PACRG: variants seen among roughly 807,000 people sequenced by gnomAD.
PACRG encodes parkin coregulated gene protein.
A neutral mutation model predicts 29.7 loss-of-function variants in PACRG; 29 were observed. The ratio of observed to expected loss-of-function variants is 0.98; its 90% CI spans 0.73 to 1.33. The LOEUF (loss-of-function observed/expected upper bound fraction) is 1.33. Ranked by LOEUF, PACRG falls within the 40% of genes most tolerant of loss-of-function variation. The pLI is 0.00. For synonymous variants in PACRG, 116 were observed against 118.7 expected, an observed-to-expected ratio of 0.98 and a Z score of 0.15; for missense variants, 279 against 316.2, an observed-to-expected ratio of 0.88 and a Z score of 0.89.
intron 4 of PACRG, among the ~76,000 whole-genome samples, chr6:163,159,052 G>A (rs1381591148): frequency 6.6e-6 from 1 of 152,128 alleles, no homozygotes; most frequent in South Asian, 2.1e-4. Context: ...TGGAGTGAGA[G>A]AGCTGGTTCC....
chr6:162,798,161 C>G (rs548769563), intron 1 of PACRG, among the ~76,000 whole-genome samples: 1 of 152,134 alleles, frequency 6.6e-6, no homozygotes, highest in Non-Finnish European at 1.5e-5. Flanking sequence ...GCTTCTGGGT[C>G]TAGGCTTCTT....
intron 3 of PACRG, among the ~76,000 whole-genome samples, chr6:163,076,671 G>A (rs781505964): frequency 1.3e-5 from 2 of 152,136 alleles, no homozygotes; most frequent in African/African-American, 4.8e-5. Context: ...CGATTGTGCC[G>A]TAGAACTTGC....
At chr6:163,099,189 A>G (rs1361403210) in intron 4 of PACRG, among the ~76,000 whole-genome samples, 4 of 152,140 alleles carry the variant, frequency 2.6e-5, no homozygotes, top group South Asian at 2.1e-4. Context: ...AGGTACCCCA[A>G]CAGGGATCCA....
At chr6:162,885,802 T>C (rs1336835854) in intron 2 of PACRG, among the ~76,000 whole-genome samples, 4 of 152,108 alleles carry the variant, frequency 2.6e-5, no homozygotes, top group Non-Finnish European at 5.9e-5. Context: ...ATATATAAAA[T>C]AATTATTACT....
At chr6:163,090,693 G>A (rs1483339985) in intron 4 of PACRG, among the ~76,000 whole-genome samples, 2 of 152,154 alleles carry the variant, frequency 1.3e-5, no homozygotes, top group South Asian at 4.1e-4. Flanking sequence ...GACTCCCGAT[G>A]TGCACCTTTT....
chr6:162,935,902 A>T (rs758050952), intron 2 of PACRG, among the ~76,000 whole-genome samples: 1 of 152,214 alleles, frequency 6.6e-6, no homozygotes, highest in Admixed American at 6.5e-5. Flanking sequence ...AAAATGAAAC[A>T]TACTTCAACA....
intron 2 of PACRG, among the ~76,000 whole-genome samples, chr6:162,932,211 C>T (rs954567333): frequency 3.9e-5 from 6 of 151,906 alleles, no homozygotes; most frequent in East Asian, 3.9e-4. Flanking sequence ...AGAAAATATA[C>T]GTTTATTACA....
At chr6:162,903,583 T>G (rs940956523) in intron 2 of PACRG, among the ~76,000 whole-genome samples, 1 of 152,084 alleles carries the variant, frequency 6.6e-6, no homozygotes, top group African/African-American at 2.4e-5. Flanking sequence ...TGAGACTGAT[T>G]CACTACCACA....
At chr6:162,804,923 C>T (rs548699064) in intron 1 of PACRG, among the ~76,000 whole-genome samples, 37 of 152,242 alleles carry the variant, frequency 2.4e-4, no homozygotes, top group African/African-American at 8.9e-4. Context: ...CTTACACAAA[C>T]TTAGATGGTA....
chr6:163,129,849 T>G (rs1276363593), intron 4 of PACRG, among the ~76,000 whole-genome samples: 1 of 152,238 alleles, frequency 6.6e-6, no homozygotes, highest in Non-Finnish European at 1.5e-5. Flanking sequence ...TAAATGGGTT[T>G]ATATTTACAG....
intron 1 of PACRG, among the ~76,000 whole-genome samples, chr6:162,767,328 A>G (rs997789142): frequency 6.6e-6 from 1 of 151,918 alleles, no homozygotes; most frequent in African/African-American, 2.4e-5. Context: ...TTATTTCTAT[A>G]TTTACATAAA....
chr6:163,059,549 A>T (rs551717183), intron 2 of PACRG, among the ~76,000 whole-genome samples: 2 of 152,228 alleles, frequency 1.3e-5, no homozygotes, highest in South Asian at 4.1e-4. Flanking sequence ...GGTAAATTCA[A>T]CAATTTACCA....
intron 2 of PACRG, among the ~76,000 whole-genome samples, chr6:162,904,099 ATTCC>A (rs1365448948): frequency 1.3e-5 from 2 of 152,158 alleles, no homozygotes; most frequent in Admixed American, 1.3e-4. Flanking sequence ...TTGAAGCTAG[ATTCC>A]TTCCTCCTCC....
chr6:163,126,989 T>C (rs543658413), intron 4 of PACRG, among the ~76,000 whole-genome samples: 8 of 152,326 alleles, frequency 5.3e-5, no homozygotes, highest in Non-Finnish European at 7.4e-5. Flanking sequence ...ACCCCAGCTC[T>C]TCATCGCTAA....
intron 2 of PACRG, among the ~76,000 whole-genome samples, chr6:162,895,817 T>C (rs1397238274): frequency 6.6e-6 from 1 of 152,238 alleles, no homozygotes; most frequent in East Asian, 1.9e-4. Flanking sequence ...ACATTTACTT[T>C]ACACTGCTGG....
intron 4 of PACRG, among the ~76,000 whole-genome samples, chr6:163,117,514 G>A (rs1288396543): frequency 6.6e-6 from 1 of 152,212 alleles, no homozygotes; most frequent in African/African-American, 2.4e-5. Flanking sequence ...CACTTTGGGA[G>A]GCCAAGGTAG....
At chr6:163,250,906 T>TAC (rs1554234779) in intron 4 of PACRG, among the ~76,000 whole-genome samples, 53 of 149,268 alleles carry the variant, frequency 3.6e-4, no homozygotes, top group African/African-American at 7.0e-4. Flanking sequence ...TATATATATA[T>TAC]ACACTATGGA....
At chr6:162,768,452 A>C (rs992185435) in intron 1 of PACRG, among the ~76,000 whole-genome samples, 7 of 152,102 alleles carry the variant, frequency 4.6e-5, no homozygotes, top group African/African-American at 1.7e-4. Flanking sequence ...TTGTGCTTTC[A>C]ATACATTAGA....
intron 4 of PACRG, among the ~76,000 whole-genome samples, chr6:163,285,111 C>T (rs1258205114): frequency 5.3e-5 from 8 of 152,178 alleles, no homozygotes; most frequent in Admixed American, 3.9e-4. Context: ...GGTGACCACC[C>T]ATCCCAGGGA....
Sources: allele counts gnomAD v4.1 joint callset (sites outside exome capture counted in the v4.1 genomes callset), GRCh38; gene constraint gnomAD v4.1.1; transcripts MANE v1.5; gene names NCBI Gene and HGNC (gene_info 2026-07-23, HGNC 2026-07-21).